Variants in SLC4A4 observed in about 807,000 individuals in gnomAD.
The protein encoded by SLC4A4 is electrogenic sodium bicarbonate cotransporter 1.
In SLC4A4, 27 loss-of-function variants were observed where a neutral mutation model predicts 111.5. The ratio of observed to expected loss-of-function variants is 0.24; its 90% CI spans 0.18 to 0.33. The LOEUF (loss-of-function observed/expected upper bound fraction) is 0.33. SLC4A4 is among the 10% of genes least tolerant of loss of function. The probability of loss-of-function intolerance (pLI) is 1.00; values close to 1 mark genes in which losing one functional copy is unlikely to be tolerated. For missense variants in SLC4A4, 909 were observed against 1,315.5 expected (o/e 0.69, Z 4.78); for synonymous variants, 443 against 463.4 (o/e 0.96, Z 0.57).
chr4:71,395,176 G>T (rs1357424076), intron 6 of SLC4A4, among the ~76,000 whole-genome samples: 2 of 152,112 alleles, frequency 1.3e-5, no homozygotes, highest in Non-Finnish European at 2.9e-5. Flanking sequence ...CCTCACTGTA[G>T]AAACCACTGA....
intron 14 of SLC4A4, among the ~76,000 whole-genome samples, chr4:71,480,539 C>A (rs539962727): frequency 6.6e-6 from 1 of 151,782 alleles, no homozygotes; most frequent in South Asian, 2.1e-4. Flanking sequence ...AAATTAAAAG[C>A]ATACATATTT....
intron 6 of SLC4A4, among the ~76,000 whole-genome samples, chr4:71,364,161 AGG>A (rs1321912807): frequency 3.9e-5 from 6 of 152,178 alleles, no homozygotes; most frequent in Non-Finnish European, 8.8e-5. Flanking sequence ...TTGACATTGA[AGG>A]CCTACTTTGT....
chr4:71,486,988 G>A lies in SLC4A4; in HGVS notation c.1944G>A (p.Glu648=). The change falls in exon 15 of 26, where the codon GAG becomes GAA. Residue 648 remains glutamate (E), a synonymous_variant. Transcript: ENST00000264485. ...SISNDTTLAP[E]YLPTMSSTDM... The stretch of plus-strand genomic sequence containing the variant: ...CTAATGACACCACACTGGCCCCAGA[G>A]TATTTGCCAACTATGTCTTCTACTG... The A allele has an allele frequency of 1.9e-6, 3 of 1,602,406 alleles. No individual in the cohort carries two copies. Among genetic ancestry groups the A allele is most frequent in the Non-Finnish European group, 2.6e-6 (3 of 1,171,138 alleles).
At chr4:71,073,762 T>C (rs1560705026) in intron 1 of SLC4A4, among the ~76,000 whole-genome samples, 1 of 152,052 alleles carries the variant, frequency 6.6e-6, no homozygotes, top group Non-Finnish European at 1.5e-5. Flanking sequence ...GCTGTATAAA[T>C]ACTTGATGGA....
At position 71,225,678 on chromosome 4, in the gene SLC4A4, T is replaced by TGTGTGTCAGAGGTGG. The variant is rs1393184257; in HGVS notation, c.-1-10894_-1-10880dup. 4.6e-5 allele frequency among the ~76,000 whole-genome samples: 7 copies of TGTGTGTCAGAGGTGG among 152,196 alleles called. No individual in the cohort carries two copies. In the East Asian group the frequency reaches 1.2e-3, roughly 25 times the overall value. On this transcript the variant is annotated intron_variant, in intron 1 of 25. Transcript: ENST00000264485. ...AAGGCATCTTCTCCAATGTCAGCTG[T>TGTGTGTCAGAGGTGG]GTGTGTCAGAGGTGGGTGGGTCAGG...
intron 7 of SLC4A4, among the ~76,000 whole-genome samples, chr4:71,412,526 G>A (rs941885827): frequency 6.6e-6 from 1 of 152,182 alleles, no homozygotes; most frequent in African/African-American, 2.4e-5. Flanking sequence ...AATTATATAG[G>A]AAATTGAGCT....
chr4:71,144,057 T>G (rs7683299), intron 2 of SLC4A4, among the ~76,000 whole-genome samples: 1,801 of 152,354 alleles, frequency 0.012, 31 homozygotes, highest in East Asian at 0.046. Flanking sequence ...CTAGGTTTTC[T>G]TCCAGGGTTT....
At chr4:71,235,810 A>C (rs183410985) in intron 1 of SLC4A4, among the ~76,000 whole-genome samples, 1 of 152,362 alleles carries the variant, frequency 6.6e-6, no homozygotes, top group East Asian at 1.9e-4. Flanking sequence ...ATGTGGTTAC[A>C]AAATGAAGAA....
At chr4:71,193,163 C>A (rs778111739) in intron 1 of SLC4A4, among the ~76,000 whole-genome samples, 1 of 152,164 alleles carries the variant, frequency 6.6e-6, no homozygotes, top group Admixed American at 6.5e-5. Context: ...AGCATTCTTA[C>A]GTATGTCTTT....
chr4:71,359,299 A>G (rs1730556268), intron 6 of SLC4A4, among the ~76,000 whole-genome samples: 1 of 152,212 alleles, frequency 6.6e-6, no homozygotes, highest in African/African-American at 2.4e-5. Flanking sequence ...AGCAAATAGG[A>G]AGGGTATGCA....
intron 3 of SLC4A4, among the ~76,000 whole-genome samples, chr4:71,326,462 T>G (rs1727510935): frequency 6.6e-6 from 1 of 151,998 alleles, no homozygotes; most frequent in African/African-American, 2.4e-5. Flanking sequence ...ACATGGGTTC[T>G]CAGGGAGGAC....
At chr4:71,491,472 A>G (rs1166857984) in intron 15 of SLC4A4, among the ~76,000 whole-genome samples, 3 of 151,854 alleles carry the variant, frequency 2.0e-5, no homozygotes, top group African/African-American at 7.3e-5. Context: ...GGTTTTCACT[A>G]GGCACTCTGG....
intron 3 of SLC4A4, among the ~76,000 whole-genome samples, chr4:71,277,691 T>C (rs1156865831): frequency 6.6e-6 from 1 of 151,716 alleles, no homozygotes; most frequent in Non-Finnish European, 1.5e-5. Context: ...TCTCTCGCTC[T>C]GTCTTTTTCT....
intron 2 of SLC4A4, among the ~76,000 whole-genome samples, chr4:71,110,096 A>T (rs1295254637): frequency 3.9e-5 from 6 of 152,208 alleles, no homozygotes; most frequent in Non-Finnish European, 8.8e-5. Flanking sequence ...AAATCGTTGC[A>T]TCAGGCAGAT....
At chr4:71,150,963 T>C (rs139177823) in intron 2 of SLC4A4, among the ~76,000 whole-genome samples, 2 of 152,356 alleles carry the variant, frequency 1.3e-5, no homozygotes, top group Admixed American at 6.5e-5. Context: ...CAAATTGTTC[T>C]TGCATGATTT....
intron 1 of SLC4A4, among the ~76,000 whole-genome samples, chr4:71,087,250 T>C (rs1321156333): frequency 1.3e-5 from 2 of 151,684 alleles, no homozygotes; most frequent in African/African-American, 2.4e-5. Context: ...TCAGTGGTGA[T>C]ATCCCCTTTA....
At chr4:71,205,237 G>A (rs972739478) in intron 1 of SLC4A4, among the ~76,000 whole-genome samples, 2 of 152,170 alleles carry the variant, frequency 1.3e-5, no homozygotes, top group African/African-American at 4.8e-5. Flanking sequence ...ATAGAAAAGA[G>A]CCAGGACCTT....
At chr4:71,089,324 T>G (rs1200946118) in intron 1 of SLC4A4, among the ~76,000 whole-genome samples, 1 of 152,058 alleles carries the variant, frequency 6.6e-6, no homozygotes, top group African/African-American at 2.4e-5. Context: ...GTTTTTAACT[T>G]CTTTGCCATG....
chr4:71,216,700 G>A (rs1390281945), intron 1 of SLC4A4, among the ~76,000 whole-genome samples: 4 of 152,138 alleles, frequency 2.6e-5, no homozygotes, highest in Admixed American at 2.6e-4. Context: ...GAGGGAGCAT[G>A]GCATGGAGCA....
Sources: gnomAD v4.1 joint callset for allele counts (sites outside exome capture counted in the v4.1 genomes callset) on GRCh38, gnomAD v4.1.1 for gene constraint, MANE v1.5 for transcripts, NCBI Gene and HGNC (gene_info 2026-07-23, HGNC 2026-07-21) for gene names.